Variants in PIK3R1 observed in about 807,000 individuals in gnomAD.
PIK3R1 encodes the protein phosphoinositide-3-kinase regulatory subunit 1.
A neutral mutation model predicts 98.0 loss-of-function variants in PIK3R1; 29 were observed. That is an observed-to-expected ratio of 0.30 (90% CI 0.22 to 0.40). The LOEUF (loss-of-function observed/expected upper bound fraction) is 0.40, where lower values mean the gene tolerates loss of function less well. PIK3R1 is among the 10% of genes least tolerant of loss of function. The pLI is 1.00. For missense variants in PIK3R1, 596 were observed against 872.7 expected, an observed-to-expected ratio of 0.68 and a Z score of 3.99; for synonymous variants, 282 against 311.8, an observed-to-expected ratio of 0.90 and a Z score of 1.01.
At chr5:68,232,915 T>G (rs1304504028) in intron 2 of PIK3R1, among the ~76,000 whole-genome samples, 2 of 152,226 alleles carry the variant, frequency 1.3e-5, no homozygotes, top group African/African-American at 4.8e-5. Flanking sequence ...ATGTTGATAT[T>G]CTAATACAAT....
At chr5:68,223,489 G>A (rs1580170647) in intron 1 of PIK3R1, among the ~76,000 whole-genome samples, 1 of 151,886 alleles carries the variant, frequency 6.6e-6, no homozygotes, top group Non-Finnish European at 1.5e-5. Flanking sequence ...CATCTTCCTG[G>A]CCTTACTTTG....
At chr5:68,251,498 G>A (rs173703) in intron 2 of PIK3R1, among the ~76,000 whole-genome samples, 28,000 of 151,396 alleles carry the variant, frequency 0.18, 3,353 homozygotes, top group East Asian at 0.36. Context: ...AGAACTAAGG[G>A]CACTGAACGT....
chr5:68,225,683 T>C (rs976730265), intron 1 of PIK3R1, among the ~76,000 whole-genome samples: 1 of 152,342 alleles, frequency 6.6e-6, no homozygotes, highest in Non-Finnish European at 1.5e-5. Context: ...GGAGTGCAGC[T>C]CTGATCCCGT....
At position 68,293,290 on chromosome 5, in the gene PIK3R1, ATTG is replaced by A; in HGVS notation, c.1119-10_1119-8del. The A allele has an allele frequency of 6.2e-7, 1 of 1,603,954 alleles. No individual in the cohort carries two copies. The highest frequency in any genetic ancestry group is 1.3e-5 in the African/African-American group (1 of 74,574). Reference sequence around the variant, plus strand: ...AAAATGTTAATACCTTTATTTTTATATTGTTTTTACAGGAAAGGGGGAAATAAC... The same window carrying A: ...AAAATGTTAATACCTTTATTTTTATATTTTTACAGGAAAGGGGGAAATAAC... On this transcript the variant is annotated splice_polypyrimidine_tract_variant and intron_variant, in intron 9 of 15. Coordinates refer to ENST00000521381, the MANE Select transcript of PIK3R1 (RefSeq NM_181523.3).
At chr5:68,264,917 A>G (rs1444065710) in intron 2 of PIK3R1, among the ~76,000 whole-genome samples, 1 of 152,212 alleles carries the variant, frequency 6.6e-6, no homozygotes, top group Non-Finnish European at 1.5e-5. Context: ...TATGATAGCT[A>G]GACCCGCCGG....
chr5:68,270,313 T>C (rs1746296524), intron 2 of PIK3R1, among the ~76,000 whole-genome samples: 1 of 152,154 alleles, frequency 6.6e-6, no homozygotes, highest in Admixed American at 6.5e-5. Flanking sequence ...TCAAGCTTAA[T>C]GAAGAAAGAG....
intron 7 of PIK3R1, chr5:68,288,570 G>A: frequency 2.6e-6 from 4 of 1,516,532 alleles, no homozygotes; most frequent in Non-Finnish European, 3.5e-6. Context: ...GGGTCCTGGC[G>A]GCGCCCCCGC....
At chr5:68,247,926 G>A (rs780403096) in intron 2 of PIK3R1, among the ~76,000 whole-genome samples, 1 of 151,894 alleles carries the variant, frequency 6.6e-6, no homozygotes, top group Non-Finnish European at 1.5e-5. Flanking sequence ...ATGTCCTTAA[G>A]GTGCATTTGA....
chr5:68,242,910 G>A (rs939956363), intron 2 of PIK3R1, among the ~76,000 whole-genome samples: 3 of 152,128 alleles, frequency 2.0e-5, no homozygotes, highest in Non-Finnish European at 2.9e-5. Flanking sequence ...CATCTCAGAG[G>A]TTAACATTTT....
intron 2 of PIK3R1, among the ~76,000 whole-genome samples, chr5:68,243,766 C>A (rs1744958106): frequency 6.6e-6 from 1 of 152,138 alleles, no homozygotes; most frequent in Non-Finnish European, 1.5e-5. Flanking sequence ...AAACAAGTTA[C>A]CTTTGGGATG....
chr5:68,282,056 A>G (rs1746867791), intron 7 of PIK3R1, among the ~76,000 whole-genome samples: 1 of 152,156 alleles, frequency 6.6e-6, no homozygotes, highest in Admixed American at 6.5e-5. Flanking sequence ...GACAGGCCCA[A>G]AATGTACCAA....
rs1289729107 is a variant in PIK3R1, at chr5:68,293,347, G to C, written c.1163G>C (p.Gly388Ala). 1 of 1,612,726 alleles carries C rather than the reference G, an allele frequency of 6.2e-7. No individual in the cohort carries two copies. The highest frequency in any genetic ancestry group is 1.1e-5 in the South Asian group (1 of 90,982). Reference sequence around the variant, plus strand: ...TTAATCAAAATATTTCATCGAGATGGGAAATATGGCTTCTCTGACCCATTA... The same window carrying C: ...TTAATCAAAATATTTCATCGAGATGCGAAATATGGCTTCTCTGACCCATTA... ...NKLIKIFHRD[G>A]KYGFSDPLTF... The change falls in exon 10 of 16, where the codon GGG (glycine) becomes GCG (alanine). Residue 388 changes from glycine to alanine, a missense_variant. Gly to Ala is a moderately conservative substitution (Grantham distance 60, BLOSUM62 0). This residue lies in a region of PIK3R1 where 37 missense variants were observed against 118.0 expected (regional missense o/e 0.31). Coordinates refer to ENST00000521381, the MANE Select transcript of PIK3R1 (RefSeq NM_181523.3).
chr5:68,267,152 C>T (rs1395400994), intron 2 of PIK3R1, among the ~76,000 whole-genome samples: 1 of 152,192 alleles, frequency 6.6e-6, no homozygotes, highest in African/African-American at 2.4e-5. Flanking sequence ...ATTTGCTGTA[C>T]ACCGTAAATT....
intron 2 of PIK3R1, among the ~76,000 whole-genome samples, chr5:68,254,998 A>G (rs1169613873): frequency 6.6e-6 from 1 of 152,138 alleles, no homozygotes; most frequent in Non-Finnish European, 1.5e-5. Flanking sequence ...TTTTTTCTGC[A>G]AATGGACGAG....
chr5:68,216,279 C>T (rs1358536256), intron 1 of PIK3R1, among the ~76,000 whole-genome samples: 1 of 152,214 alleles, frequency 6.6e-6, no homozygotes, highest in Non-Finnish European at 1.5e-5. Flanking sequence ...CTCCCACCCT[C>T]CGTCACCGCA....
intron 1 of PIK3R1, among the ~76,000 whole-genome samples, chr5:68,222,779 T>C (rs2111944685): frequency 6.6e-6 from 1 of 152,276 alleles, no homozygotes; most frequent in South Asian, 2.1e-4. Flanking sequence ...ATTGGAGTGA[T>C]CAGCTTGTGC....
intron 2 of PIK3R1, among the ~76,000 whole-genome samples, chr5:68,266,702 T>C (rs926777305): frequency 1.1e-4 from 17 of 152,214 alleles, no homozygotes. Flanking sequence ...TTGTATACTC[T>C]GGCGCAGGGA....
At chr5:68,252,338 G>A (rs925099651) in intron 2 of PIK3R1, among the ~76,000 whole-genome samples, 4 of 149,876 alleles carry the variant, frequency 2.7e-5, no homozygotes, top group African/African-American at 9.9e-5. Flanking sequence ...TTATTTGAAA[G>A]CAAAGCTTGT....
At chr5:68,227,488 A>G (rs890921456) in intron 2 of PIK3R1, among the ~76,000 whole-genome samples, 4 of 152,174 alleles carry the variant, frequency 2.6e-5, no homozygotes, top group Admixed American at 6.5e-5. Context: ...GAAATCTACA[A>G]CACTTCTGGT....
Sources: allele counts gnomAD v4.1 joint callset (sites outside exome capture counted in the v4.1 genomes callset), GRCh38; gene constraint gnomAD v4.1.1; regional missense constraint gnomAD v4.1.1; transcripts MANE v1.5; gene names NCBI Gene and HGNC (gene_info 2026-07-23, HGNC 2026-07-21).